Variants in SHISA9 observed in about 807,000 individuals in gnomAD.
SHISA9 encodes the protein shisa family member 9.
In SHISA9, 13 loss-of-function variants were observed where a neutral mutation model predicts 38.0. That is an observed-to-expected ratio of 0.34 (90% confidence interval 0.22 to 0.54). The LOEUF is 0.54. Among genes scored for constraint, SHISA9 ranks in the 20% least tolerant of loss-of-function variants. The pLI is 0.91. For synonymous variants in SHISA9, 275 were observed against 242.0 expected (o/e 1.14, Z -1.27); for missense variants, 538 against 575.8 (o/e 0.93, Z 0.67).
chr16:13,201,310 A>G (rs1362722879), intron 2 of SHISA9, among the ~76,000 whole-genome samples: 3 of 136,084 alleles, frequency 2.2e-5, no homozygotes, highest in Admixed American at 7.2e-5. Context: ...ATTTGCATAT[A>G]ACCTACTCAC....
chr16:13,408,551 A>C, the SHISA9 span, among the ~76,000 whole-genome samples: 1 of 152,190 alleles, frequency 6.6e-6, no homozygotes, highest in African/African-American at 2.4e-5. Context: ...ATTATCAATG[A>C]CTCAGAAAAC....
In SHISA9 at chr16:13,114,310, C is replaced by G. The variant is rs529565167; in HGVS notation, c.692-89084C>G. Among the ~76,000 whole-genome samples, 203 of 151,470 alleles carry G rather than the reference C, an allele frequency of 1.3e-3. 1 individual carries two copies. The highest frequency in any genetic ancestry group is 4.6e-3 in the African/African-American group (191 of 41,302). On this transcript the variant is annotated intron_variant, in intron 2 of 4. Coordinates refer to ENST00000558583, the MANE Select transcript of SHISA9 (RefSeq NM_001145204.3). ...TGAAACCCCATCTCCACTAAAAATA[C>G]AAAAAATTAGCTGGGTGTGGTGGCG...
chr16:13,045,958 T>C (rs2073183826), intron 2 of SHISA9, among the ~76,000 whole-genome samples: 1 of 152,220 alleles, frequency 6.6e-6, no homozygotes, highest in Non-Finnish European at 1.5e-5. Flanking sequence ...TGTCAATGTT[T>C]GTTTAAATTT....
At chr16:13,460,498 A>C in the SHISA9 span, among the ~76,000 whole-genome samples, 1 of 152,218 alleles carries the variant, frequency 6.6e-6, no homozygotes, top group Non-Finnish European at 1.5e-5. Flanking sequence ...GGTAAATGCC[A>C]GAATCAGGCC....
At chr16:13,226,432 T>C (rs1332663298) in intron 4 of SHISA9, among the ~76,000 whole-genome samples, 1 of 152,218 alleles carries the variant, frequency 6.6e-6, no homozygotes, top group East Asian at 1.9e-4. Context: ...ATGAATGATA[T>C]AATCTTGCCT....
intron 2 of SHISA9, among the ~76,000 whole-genome samples, chr16:13,062,343 A>G (rs2073386233): frequency 6.6e-6 from 1 of 152,176 alleles, no homozygotes. Flanking sequence ...CCTATGGACA[A>G]AGATGATGGT....
chr16:13,507,354 C>T, the SHISA9 span, among the ~76,000 whole-genome samples: 1 of 152,010 alleles, frequency 6.6e-6, no homozygotes, highest in Non-Finnish European at 1.5e-5. Flanking sequence ...GCATTTTGGG[C>T]CTCCAGATAT....
chr16:13,216,714 G>A (rs1204666367), intron 4 of SHISA9, among the ~76,000 whole-genome samples: 2 of 152,182 alleles, frequency 1.3e-5, no homozygotes, highest in African/African-American at 4.8e-5. Flanking sequence ...AAAAGGAAGA[G>A]GTAGCTGTCA....
the SHISA9 span, among the ~76,000 whole-genome samples, chr16:13,443,349 A>G: frequency 6.6e-6 from 1 of 152,212 alleles, no homozygotes. Context: ...TTCATTTTAG[A>G]GTCAGTGCAT....
At chr16:13,309,965 G>A in the SHISA9 span, among the ~76,000 whole-genome samples, 3 of 152,064 alleles carry the variant, frequency 2.0e-5, no homozygotes, top group Admixed American at 2.0e-4. Context: ...TCGGCTCACT[G>A]CAACCTCTGC....
the SHISA9 span, among the ~76,000 whole-genome samples, chr16:13,388,946 G>A: frequency 1.3e-5 from 2 of 152,058 alleles, no homozygotes; most frequent in African/African-American, 4.8e-5. Flanking sequence ...GTAGTTAGGG[G>A]CTCAGAGCAA....
the SHISA9 span, among the ~76,000 whole-genome samples, chr16:13,253,377 A>G: frequency 6.6e-6 from 1 of 152,164 alleles, no homozygotes; most frequent in Non-Finnish European, 1.5e-5. Context: ...ACCTGTCCAA[A>G]GGTACAAGGG....
At chr16:13,212,638 G>A (rs59426483) in intron 3 of SHISA9, among the ~76,000 whole-genome samples, 29,954 of 152,086 alleles carry the variant, frequency 0.2, 3,157 homozygotes, top group East Asian at 0.36. Context: ...TAGAAAGGGT[G>A]ACTCTGTGGA....
At chr16:12,992,885 T>C (rs1359305349) in intron 2 of SHISA9, among the ~76,000 whole-genome samples, 2 of 152,226 alleles carry the variant, frequency 1.3e-5, no homozygotes, top group Non-Finnish European at 2.9e-5. Flanking sequence ...TCTCTTGGAT[T>C]CTTCCCCACA....
intron 2 of SHISA9, among the ~76,000 whole-genome samples, chr16:13,037,621 C>T (rs185117047): frequency 3.9e-5 from 6 of 152,208 alleles, no homozygotes; most frequent in East Asian, 1.9e-4. Flanking sequence ...CCCTTGCCTG[C>T]GAGTACCTCC....
chr16:13,066,091 T>TA (rs2141916277), intron 2 of SHISA9, among the ~76,000 whole-genome samples: 1 of 152,328 alleles, frequency 6.6e-6, no homozygotes. Context: ...CTGAGGGAGA[T>TA]ACGAACTTTC....
At chr16:13,203,590 C>G in intron 3 of SHISA9, 41 bp downstream of exon 3, 1 of 1,433,194 alleles carries the variant, frequency 7.0e-7, no homozygotes, top group Non-Finnish European at 9.2e-7. Context: ...TTCTCCTCTT[C>G]GCTCTCCTTT....
At chr16:13,305,255 G>C in the SHISA9 span, among the ~76,000 whole-genome samples, 1 of 152,126 alleles carries the variant, frequency 6.6e-6, no homozygotes, top group Admixed American at 6.5e-5. Context: ...GTCAGGTGTG[G>C]AGTGTTCCAC....
the SHISA9 span, among the ~76,000 whole-genome samples, chr16:13,440,165 C>G: frequency 1.3e-5 from 2 of 152,162 alleles, no homozygotes; most frequent in South Asian, 2.1e-4. Context: ...AAGGTGGTTT[C>G]TTAATGGTAT....
Sources: gnomAD v4.1 joint callset for allele counts (sites outside exome capture counted in the v4.1 genomes callset) on GRCh38, gnomAD v4.1.1 for gene constraint, MANE v1.5 for transcripts, NCBI Gene and HGNC (gene_info 2026-07-23, HGNC 2026-07-21) for gene names.